Variants in TENM3 observed in about 807,000 individuals in gnomAD.
TENM3 encodes teneurin transmembrane protein 3.
A neutral mutation model predicts 255.1 loss-of-function variants in TENM3; 63 were observed. The observed-to-expected ratio is 0.25, with a 90% confidence interval of 0.20 to 0.30. The LOEUF is 0.30. TENM3 is among the 10% of genes least tolerant of loss of function. The probability of loss-of-function intolerance (pLI) is 1.00; values close to 1 mark genes in which losing one functional copy is unlikely to be tolerated. For missense variants in TENM3, 2,929 were observed against 3,461.1 expected, an observed-to-expected ratio of 0.85 and a Z score of 3.86; for synonymous variants, 1,306 against 1,322.3, an observed-to-expected ratio of 0.99 and a Z score of 0.27.
intron 11 of TENM3, among the ~76,000 whole-genome samples, chr4:182,686,663 G>T (rs796989725): frequency 3.3e-5 from 5 of 152,100 alleles, no homozygotes; most frequent in Non-Finnish European, 2.9e-5. Flanking sequence ...ACAGCAGTTT[G>T]TTCATTAATT....
chr4:181,832,480 A>G, the TENM3 span, among the ~76,000 whole-genome samples: 16 of 152,174 alleles, frequency 1.1e-4, no homozygotes, highest in Non-Finnish European at 2.4e-4. Context: ...CTATTAGCCT[A>G]GTAACTGGAT....
chr4:182,307,218 A>G (rs1006978194), intron 1 of TENM3, among the ~76,000 whole-genome samples: 6 of 152,198 alleles, frequency 3.9e-5, no homozygotes, highest in African/African-American at 1.4e-4. Flanking sequence ...GGACTGATGA[A>G]AACTAGCAAT....
chr4:182,488,802 G>A (rs1274439812), intron 3 of TENM3, among the ~76,000 whole-genome samples: 6 of 152,154 alleles, frequency 3.9e-5, no homozygotes, highest in Non-Finnish European at 8.8e-5. Context: ...TGTAATTTAC[G>A]TGTGTTTATG....
chr4:182,399,222 A>G (rs917400655), intron 3 of TENM3, among the ~76,000 whole-genome samples: 1 of 152,232 alleles, frequency 6.6e-6, no homozygotes, highest in African/African-American at 2.4e-5. Flanking sequence ...ATAAAGGTAA[A>G]TATTTTTGGT....
chr4:182,364,775 A>G (rs2150810611), intron 3 of TENM3, among the ~76,000 whole-genome samples: 1 of 152,318 alleles, frequency 6.6e-6, no homozygotes, highest in East Asian at 1.9e-4. Flanking sequence ...TCTATAACAT[A>G]GTACTTTTTT....
rs370605732 is a variant in TENM3, at chr4:182,628,938, A to G, written c.988+49A>G. The G allele has an allele frequency of 1.8e-4, 190 of 1,085,320 alleles. No homozygotes were observed. In the African/African-American group the frequency reaches 2.6e-3, roughly 15 times the overall value. 67.2% of individuals were successfully genotyped at this position (1,085,320 alleles called of 1,614,324 possible). ...CTTTGTCTGTAAATCAGGGTGTTAC[A>G]TTGTTTTATTACTTGTATTTATTCA... On this transcript the variant is annotated intron_variant, in intron 5 of 27. Transcript: ENST00000511685.
At chr4:181,490,463 A>T in the TENM3 span, among the ~76,000 whole-genome samples, 1 of 147,628 alleles carries the variant, frequency 6.8e-6, no homozygotes, top group South Asian at 2.2e-4. Flanking sequence ...GAGTTTAAAC[A>T]GTATCTGTTT....
chr4:182,423,901 T>C (rs1299516761), intron 3 of TENM3, among the ~76,000 whole-genome samples: 1 of 152,178 alleles, frequency 6.6e-6, no homozygotes. Flanking sequence ...TAGTCATTAT[T>C]TCACCAGATT....
chr4:182,033,021 T>A, the TENM3 span, among the ~76,000 whole-genome samples: 1 of 151,854 alleles, frequency 6.6e-6, no homozygotes, highest in Admixed American at 6.6e-5. Context: ...TTTGAAGGTT[T>A]TTTTTTGCAT....
intron 1 of TENM3, among the ~76,000 whole-genome samples, chr4:182,278,770 TC>T (rs1333571061): frequency 6.6e-6 from 1 of 152,114 alleles, no homozygotes; most frequent in Non-Finnish European, 1.5e-5. Flanking sequence ...TGGCCTGTCA[TC>T]AATAGAGATG....
At chr4:182,696,323 A>G (rs746815134) in intron 12 of TENM3, among the ~76,000 whole-genome samples, 2 of 152,216 alleles carry the variant, frequency 1.3e-5, no homozygotes, top group African/African-American at 2.4e-5. Flanking sequence ...TATACTCTCT[A>G]TAGAAAATAT....
At chr4:182,473,625 A>C (rs1465846885) in intron 3 of TENM3, among the ~76,000 whole-genome samples, 6 of 152,134 alleles carry the variant, frequency 3.9e-5, no homozygotes, top group Admixed American at 3.9e-4. Context: ...GTGAGCCGAG[A>C]TCGCGCCGCT....
chr4:181,829,701 C>G, the TENM3 span, among the ~76,000 whole-genome samples: 5 of 152,166 alleles, frequency 3.3e-5, no homozygotes, highest in Admixed American at 2.0e-4. Flanking sequence ...ATCCCCTTCC[C>G]ATTCAGTCCT....
the TENM3 span, among the ~76,000 whole-genome samples, chr4:181,784,216 A>T: frequency 2.6e-5 from 4 of 151,480 alleles, no homozygotes; most frequent in African/African-American, 9.7e-5. Context: ...TTTGTTATTT[A>T]AGCAATATTT....
rs1442463682 is a variant in TENM3 at position 182,792,122 on chromosome 4, G to T, written c.5602-152G>T. On this transcript the variant is annotated intron_variant, in intron 25 of 27. Transcript: ENST00000511685. This position sits in a 1 kb window ranked among gnomAD's most constrained non-coding sequence, Gnocchi z 6.3. ...TAAGCATCCAAGCAAATTAGGCAGA[G>T]AAACGTTAACAACACGCAAGGTCAA... Among the ~76,000 whole-genome samples, 1 of 152,158 alleles carries T rather than the reference G, an allele frequency of 6.6e-6. No individual in the cohort carries two copies. The highest frequency in any genetic ancestry group is 1.5e-5 in the Non-Finnish European group (1 of 68,036).
chr4:182,159,447 A>AGTGTGTGTGTGT (rs67981646), intron 1 of TENM3, among the ~76,000 whole-genome samples: 3 of 130,782 alleles, frequency 2.3e-5, no homozygotes, highest in Admixed American at 8.1e-5. Flanking sequence ...AGTGTGTATG[A>AGTGTGTGTGTGT]GTGTGTGTGT....
At chr4:181,544,953 A>G in the TENM3 span, among the ~76,000 whole-genome samples, 5 of 152,356 alleles carry the variant, frequency 3.3e-5, no homozygotes, top group African/African-American at 7.2e-5. Context: ...CTAGAAGCAG[A>G]TGAAATTATA....
chr4:182,770,471 C>T (rs572767265), intron 22 of TENM3, among the ~76,000 whole-genome samples: 18 of 152,098 alleles, frequency 1.2e-4, no homozygotes, highest in South Asian at 2.1e-4. Context: ...CCTCCCAGCC[C>T]CACCCGGGCC....
At chr4:181,564,655 C>T in the TENM3 span, among the ~76,000 whole-genome samples, 1 of 152,190 alleles carries the variant, frequency 6.6e-6, no homozygotes, top group African/African-American at 2.4e-5. Context: ...CCCCATCTGT[C>T]TCAGTGGACA....
Sources: allele counts gnomAD v4.1 joint callset (sites outside exome capture counted in the v4.1 genomes callset), GRCh38; gene constraint gnomAD v4.1.1; non-coding constraint Gnocchi (gnomAD v3.1); transcripts MANE v1.5; gene names NCBI Gene and HGNC (gene_info 2026-07-23, HGNC 2026-07-21).